Variants in KLF12 observed in about 807,000 individuals in gnomAD.
KLF12 encodes KLF transcription factor 12.
Under a neutral mutation model 37.8 loss-of-function variants are expected in KLF12, and 9 were observed. The observed-to-expected ratio is 0.24, with a 90% CI of 0.14 to 0.42. The LOEUF is 0.42. Among genes scored for constraint, KLF12 ranks in the 10% least tolerant of loss-of-function variants. The pLI is 1.00. For synonymous variants in KLF12, 208 were observed against 202.1 expected (o/e 1.03, Z -0.25); for missense variants, 411 against 516.0 (o/e 0.80, Z 1.97).
At chr13:74,227,678 T>G in the KLF12 span, among the ~76,000 whole-genome samples, 1 of 152,098 alleles carries the variant, frequency 6.6e-6, no homozygotes, top group African/African-American at 2.4e-5. Flanking sequence ...TGCACAAACC[T>G]AGGCTTCTCA....
intron 3 of KLF12, among the ~76,000 whole-genome samples, chr13:73,863,621 C>A (rs1034989222): frequency 6.6e-6 from 1 of 152,080 alleles, no homozygotes; most frequent in African/African-American, 2.4e-5. Flanking sequence ...ATTATTCCTG[C>A]CTCCCATAAA....
chr13:73,737,313 T>C (rs756255022), intron 6 of KLF12, among the ~76,000 whole-genome samples: 2 of 152,202 alleles, frequency 1.3e-5, no homozygotes, highest in Admixed American at 6.5e-5. Context: ...GGAATCAGAT[T>C]TATTTATTCT....
chr13:73,956,344 T>A lies in KLF12; in HGVS notation c.34-12274A>T, dbSNP rs1018801389. 2.6e-5 allele frequency among the ~76,000 whole-genome samples: 4 copies of A among 152,190 alleles called. No homozygotes were observed. In the East Asian group the frequency reaches 7.7e-4, roughly 29 times the overall value. On this transcript the variant is annotated intron_variant, in intron 2 of 7. Coordinates refer to ENST00000377669, the MANE Select transcript of KLF12 (RefSeq NM_007249.5). ...AATAGAGAGAGTATATTTGAGGAAG[T>A]CCATTGTTGTAACTCACATATTCTT... is the stretch of plus-strand genomic sequence containing the variant.
intron 1 of KLF12, among the ~76,000 whole-genome samples, chr13:74,019,569 C>T (rs908638547): frequency 2.0e-5 from 3 of 152,156 alleles, no homozygotes; most frequent in Non-Finnish European, 2.9e-5. Context: ...ACTCTAACAT[C>T]GTATGTTTAA....
chr13:74,145,176 T>C, the KLF12 span, among the ~76,000 whole-genome samples: 1 of 152,174 alleles, frequency 6.6e-6, no homozygotes, highest in Non-Finnish European at 1.5e-5. Flanking sequence ...ATAATGAAGG[T>C]AACTAGACAA....
chr13:73,949,890 T>C (rs1311857456), intron 2 of KLF12, among the ~76,000 whole-genome samples: 1 of 152,226 alleles, frequency 6.6e-6, no homozygotes, highest in African/African-American at 2.4e-5. Flanking sequence ...TCAATAACTG[T>C]ATTTTATTAA....
chr13:73,761,280 G>T (rs1458142641), intron 6 of KLF12, among the ~76,000 whole-genome samples: 1 of 152,028 alleles, frequency 6.6e-6, no homozygotes, highest in Non-Finnish European at 1.5e-5. Flanking sequence ...TAATGTGAAG[G>T]GTAGTAGAAT....
At chr13:74,084,432 A>G (rs1875127968) in intron 1 of KLF12, among the ~76,000 whole-genome samples, 1 of 152,182 alleles carries the variant, frequency 6.6e-6, no homozygotes, top group Non-Finnish European at 1.5e-5. Flanking sequence ...GGGTTTTTAT[A>G]AAGTCCCCAT....
At chr13:73,700,003 T>C (rs1033158595) in intron 7 of KLF12, among the ~76,000 whole-genome samples, 7 of 152,174 alleles carry the variant, frequency 4.6e-5, no homozygotes, top group Non-Finnish European at 8.8e-5. Context: ...CGGTGGTTCA[T>C]GGCAGTAATC....
chr13:73,704,253 C>T (rs141753036), intron 7 of KLF12, among the ~76,000 whole-genome samples: 90 of 152,266 alleles, frequency 5.9e-4, no homozygotes, highest in African/African-American at 1.9e-3. Flanking sequence ...CTCTCCTAAG[C>T]GCCAGAGAGG....
At chr13:74,104,591 G>C (rs61958004) in intron 1 of KLF12, among the ~76,000 whole-genome samples, 1 of 152,130 alleles carries the variant, frequency 6.6e-6, no homozygotes, top group African/African-American at 2.4e-5. Flanking sequence ...CAATGTAACA[G>C]ACTGAAAATA....
chr13:74,009,314 T>A (rs971656009), intron 1 of KLF12, among the ~76,000 whole-genome samples: 2 of 152,230 alleles, frequency 1.3e-5, no homozygotes, highest in African/African-American at 4.8e-5. Flanking sequence ...AGGTTATGTG[T>A]CAGGCAGTGT....
intron 2 of KLF12, among the ~76,000 whole-genome samples, chr13:73,991,646 AACAG>A (rs1251960907): frequency 1.3e-5 from 2 of 152,090 alleles, no homozygotes; most frequent in Admixed American, 1.3e-4. Context: ...TTCCAGATCA[AACAG>A]ACAGATAATT....
intron 4 of KLF12, among the ~76,000 whole-genome samples, chr13:73,817,338 A>G (rs1182184568): frequency 3.8e-5 from 5 of 130,362 alleles, no homozygotes; most frequent in African/African-American, 1.1e-4. Flanking sequence ...AGAAAAGAAA[A>G]AAAAGAAAAA....
chr13:74,091,469 T>C (rs1306839094), intron 1 of KLF12, among the ~76,000 whole-genome samples: 1 of 152,240 alleles, frequency 6.6e-6, no homozygotes, highest in African/African-American at 2.4e-5. Flanking sequence ...CTCAGTGATA[T>C]GCATGTAAGT....
At chr13:74,300,514 T>C in the KLF12 span, among the ~76,000 whole-genome samples, 1 of 152,130 alleles carries the variant, frequency 6.6e-6, no homozygotes, top group Non-Finnish European at 1.5e-5. Context: ...ACTTGTTTCT[T>C]CATTTCTCTT....
the KLF12 span, among the ~76,000 whole-genome samples, chr13:74,212,022 T>C: frequency 1.3e-5 from 2 of 152,218 alleles, no homozygotes; most frequent in Admixed American, 6.5e-5. Flanking sequence ...TATGGTTTAA[T>C]GTTTTTATTT....
chr13:74,116,830 T>C (rs1193708099), intron 1 of KLF12, among the ~76,000 whole-genome samples: 1 of 152,182 alleles, frequency 6.6e-6, no homozygotes, highest in Non-Finnish European at 1.5e-5. Context: ...GCTGGCAATA[T>C]AATGTATCCA....
the KLF12 span, among the ~76,000 whole-genome samples, chr13:74,247,767 C>T: frequency 6.6e-6 from 1 of 152,126 alleles, no homozygotes; most frequent in South Asian, 2.1e-4. Flanking sequence ...CCATTGCCTC[C>T]AGCCAGTCAA....
Sources: allele counts gnomAD v4.1 joint callset (sites outside exome capture counted in the v4.1 genomes callset), GRCh38; gene constraint gnomAD v4.1.1; transcripts MANE v1.5; gene names NCBI Gene and HGNC (gene_info 2026-07-23, HGNC 2026-07-21).